The following ADRA1A variants were observed in gnomAD, a reference collection of about 807,000 sequenced individuals.
The protein encoded by ADRA1A is adrenoceptor alpha 1A.
Under a neutral mutation model 29.6 loss-of-function variants are expected in ADRA1A, and 31 were observed. That is an observed-to-expected ratio of 1.05 (90% CI 0.79 to 1.41). The LOEUF is 1.41. Among genes scored for constraint, ADRA1A ranks in the 40% most tolerant of loss-of-function variants. ADRA1A has a pLI of 0.00. For synonymous variants in ADRA1A, 311 were observed against 254.3 expected (o/e 1.22, Z -2.12); for missense variants, 619 against 601.1 (o/e 1.03, Z -0.31).
At chr8:26,771,827 C>A (rs1483300015) in intron 2 of ADRA1A, 2 of 153,146 alleles carry the variant, frequency 1.3e-5, no homozygotes, top group Non-Finnish European at 2.9e-5. Flanking sequence ...ACTGACTCAG[C>A]CCTCATTCTG....
intron 2 of ADRA1A, among the ~76,000 whole-genome samples, chr8:26,838,639 G>A (rs1411234685): frequency 6.6e-6 from 1 of 152,182 alleles, no homozygotes; most frequent in African/African-American, 2.4e-5. Context: ...CTGAGCCCTG[G>A]AGAGAAGGAA....
chr8:26,770,218 G>T lies in ADRA1A; in HGVS notation c.1332C>A (p.Asp444Glu). ...CCVGPSTPSL[D>E]KNHQVPTIKV... is the part of the protein sequence containing the mutation. ...TAATGGTTGGAACTTGATGGTTCTT[G>T]TCAAGGCTGGGGGTTGAGGGCCCTA... The change falls in exon 3 of 3, where the codon GAC (aspartate) becomes GAA (glutamate). Residue 444 changes from aspartate to glutamate, a missense_variant. Transcript: ENST00000380573. The T allele has an allele frequency of 6.2e-7, 1 of 1,606,840 alleles. No homozygotes were observed. The highest frequency in any genetic ancestry group is 2.2e-5 in the East Asian group (1 of 44,810).
downstream of ADRA1A, among the ~76,000 whole-genome samples, chr8:26,753,385 G>A (rs1042209957): frequency 1.3e-5 from 2 of 151,920 alleles, no homozygotes; most frequent in African/African-American, 4.8e-5. Flanking sequence ...TCTTGAATGC[G>A]GCCCCTGTAC....
exon 3 of ADRA1A, chr8:26,756,640 G>C: frequency 1.9e-6 from 3 of 1,591,704 alleles, no homozygotes. Flanking sequence ...CAAGTGTCAG[G>C]CAAGGCTCCT....
intron 2 of ADRA1A, among the ~76,000 whole-genome samples, chr8:26,772,622 A>T (rs368685247): frequency 3.0e-4 from 46 of 152,224 alleles, no homozygotes; most frequent in African/African-American, 1.1e-3. Flanking sequence ...TCTTGATTTT[A>T]TGTCTTTCTT....
At chr8:26,834,664 G>A (rs1389866370) in intron 2 of ADRA1A, among the ~76,000 whole-genome samples, 1 of 152,188 alleles carries the variant, frequency 6.6e-6, no homozygotes, top group East Asian at 1.9e-4. Flanking sequence ...AGCCCCTGCA[G>A]TCAGATAGTT....
At chr8:26,859,001 A>G in intron 2 of ADRA1A, 3 of 1,196,554 alleles carry the variant, frequency 2.5e-6, no homozygotes, top group Non-Finnish European at 3.2e-6. Context: ...AATATACAGG[A>G]AGGACCTTTG....
At position 26,821,576 on chromosome 8, in the gene ADRA1A, G is replaced by A. The variant is rs1810174031; in HGVS notation, c.883+42511C>T. Among the ~76,000 whole-genome samples the A allele has an allele frequency of 6.6e-6, 1 of 152,146 alleles. No individual in the cohort carries two copies. Among genetic ancestry groups the A allele is most frequent in the Non-Finnish European group, 1.5e-5 (1 of 68,010 alleles). Reference sequence around the variant, plus strand: ...GGAATCACATTTCAACACGAGATTTGGAGGGGGCAAACATTCAAACCACAT... The same window carrying A: ...GGAATCACATTTCAACACGAGATTTAGAGGGGGCAAACATTCAAACCACAT... On this transcript the variant is annotated intron_variant, in intron 2 of 2. Coordinates refer to ENST00000380573, the MANE Select transcript of ADRA1A (RefSeq NM_000680.4). This position sits in a 1 kb window ranked among gnomAD's most constrained non-coding sequence, Gnocchi z 5.6.
intron 2 of ADRA1A, among the ~76,000 whole-genome samples, chr8:26,809,960 C>T (rs765177383): frequency 1.3e-4 from 20 of 152,174 alleles, no homozygotes; most frequent in Non-Finnish European, 1.8e-4. Context: ...GATTATTATA[C>T]CCTGTTCTGT....
chr8:26,811,967 T>C (rs1809430006), intron 2 of ADRA1A, among the ~76,000 whole-genome samples: 1 of 152,198 alleles, frequency 6.6e-6, no homozygotes, highest in South Asian at 2.1e-4. Context: ...ATTCCACAGG[T>C]GATGGGCACT....
chr8:26,837,144 GA>G (rs35647991), intron 2 of ADRA1A, among the ~76,000 whole-genome samples: 5,509 of 146,432 alleles, frequency 0.038, 159 homozygotes, highest in Non-Finnish European at 0.055. Flanking sequence ...CTTGTCAATA[GA>G]AAAAAAAAAA....
rs1805973844 is a variant in ADRA1A at position 26,769,399 on chromosome 8, C to T, written c.*750G>A. The T allele has an allele frequency of 1.0e-6, 1 of 985,404 alleles. No individual in the cohort carries two copies. The highest frequency in any genetic ancestry group is 1.2e-6 in the Non-Finnish European group (1 of 829,922). The allele number at this position is 985,404 out of a possible 1,614,324, so 61.0% of individuals were successfully genotyped here. On this transcript the variant is annotated 3_prime_UTR_variant, in exon 3 of 3. Transcript: ENST00000380573. Reference sequence around the variant, plus strand: ...TAGTAGTTAAATTGAAAGAATGATGCTCAGGTCTATTGTTTTCTCTTGGGA... The same window carrying T: ...TAGTAGTTAAATTGAAAGAATGATGTTCAGGTCTATTGTTTTCTCTTGGGA...
At chr8:26,819,159 G>C (rs148594064) in intron 2 of ADRA1A, among the ~76,000 whole-genome samples, 1 of 152,228 alleles carries the variant, frequency 6.6e-6, no homozygotes, top group Non-Finnish European at 1.5e-5. Flanking sequence ...TGGCCAGGAG[G>C]GGAGTGATAT....
chr8:26,864,389 T>C lies in ADRA1A; in HGVS notation c.581A>G (p.Tyr194Cys), dbSNP rs759665734. The change falls in exon 2 of 3, where the codon TAC becomes TGC. Residue 194 changes from tyrosine to cysteine, a missense_variant. By Grantham distance (194) the Tyr-to-Cys change is radical. Transcript: ENST00000380573. This position sits in a 1 kb window ranked among gnomAD's most constrained non-coding sequence, Gnocchi z 8.1. Reference sequence around the variant, plus strand: ...GACCAGGATGATGGCCAGAGGCAGGTAGAAGGAGCCCAGCGCTGAGAAGAG... The same window carrying C: ...GACCAGGATGATGGCCAGAGGCAGGCAGAAGGAGCCCAGCGCTGAGAAGAG... Reference protein sequence around the residue: ...YVLFSALGSFYLPLAIILVMY... With the variant: ...YVLFSALGSFCLPLAIILVMY... The C allele has an allele frequency of 1.2e-6, 2 of 1,612,768 alleles. No individual in the cohort carries two copies. The highest frequency in any genetic ancestry group is 1.1e-5 in the South Asian group (1 of 91,044).
intron 2 of ADRA1A, among the ~76,000 whole-genome samples, chr8:26,791,640 G>T (rs1257820967): frequency 1.3e-5 from 2 of 152,138 alleles, no homozygotes; most frequent in South Asian, 2.1e-4. Context: ...ACAAGGGTCT[G>T]CCTGACCTGG....
chr8:26,863,668 C>G (rs1321492573), intron 2 of ADRA1A, among the ~76,000 whole-genome samples: 1 of 152,158 alleles, frequency 6.6e-6, no homozygotes, highest in Admixed American at 6.5e-5. Context: ...AAGCATGGTA[C>G]TTATTTTCAG....
In ADRA1A at chr8:26,769,587, C is replaced by A; in HGVS notation, c.*562G>T. ...AAAGGTAAACCTCACTGCCAAGTTT[C>A]CCTCAAGCTGAGAAATTGGATGTAT... On this transcript the variant is annotated 3_prime_UTR_variant, in exon 3 of 3. Transcript: ENST00000380573. 1 of 985,526 alleles carries A rather than the reference C, an allele frequency of 1.0e-6. No homozygotes were observed. 61.0% of individuals were successfully genotyped at this position (985,526 alleles called of 1,614,324 possible).
Position 26,848,742 on chromosome 8 carries a change from C to T in ADRA1A, c.883+15345G>A, listed in dbSNP as rs1441295624. 4.6e-5 allele frequency among the ~76,000 whole-genome samples: 7 copies of T among 152,166 alleles called. No individual in the cohort carries two copies. The highest frequency in any genetic ancestry group is 2.1e-4 in the South Asian group (1 of 4,828). On this transcript the variant is annotated intron_variant, in intron 2 of 2. Transcript: ENST00000380573. The surrounding 1 kb of genome is among the most constrained non-coding windows in gnomAD (Gnocchi z 4.3). The stretch of plus-strand genomic sequence containing the variant: ...AGGAAAAGAGTCATTAAACTCTACA[C>T]GTTTCACACAATCCTCTTGTGATCA...
Position 26,831,965 on chromosome 8 carries a change from G to C in ADRA1A, c.883+32122C>G, listed in dbSNP as rs1811004684. ...TGGTTTGTAGGCTGGAGTGGGGACAGAGGCCTGCTGGTCTCACCCCACATT... is the reference window on the plus strand; with the variant it reads ...TGGTTTGTAGGCTGGAGTGGGGACACAGGCCTGCTGGTCTCACCCCACATT... On this transcript the variant is annotated intron_variant, in intron 2 of 2. Transcript: ENST00000380573. The surrounding 1 kb of genome is among the most constrained non-coding windows in gnomAD (Gnocchi z 5.2). 6.6e-6 allele frequency among the ~76,000 whole-genome samples: 1 copy of C among 152,226 alleles called. No individual in the cohort carries two copies. The highest frequency in any genetic ancestry group is 2.4e-5 in the African/African-American group (1 of 41,468).
Sources: gnomAD v4.1 joint callset for allele counts (sites outside exome capture counted in the v4.1 genomes callset) on GRCh38, gnomAD v4.1.1 for gene constraint, Gnocchi (gnomAD v3.1) non-coding constraint, MANE v1.5 for transcripts, NCBI Gene and HGNC (gene_info 2026-07-23, HGNC 2026-07-21) for gene names.